FMN1: variants seen among roughly 807,000 people sequenced by gnomAD.
The protein encoded by FMN1 is formin-1.
A neutral mutation model predicts 132.4 loss-of-function variants in FMN1; 110 were observed. That is an observed-to-expected ratio of 0.83 (90% CI 0.71 to 0.97). The LOEUF (loss-of-function observed/expected upper bound fraction) is 0.97, where lower values mean the gene tolerates loss of function less well. FMN1 is among the 50% of genes least tolerant of loss of function. FMN1 has a pLI of 0.00. For synonymous variants in FMN1, 722 were observed against 651.7 expected, an observed-to-expected ratio of 1.11 and a Z score of -1.64; for missense variants, 1,792 against 1,705.3, an observed-to-expected ratio of 1.05 and a Z score of -0.90.
At position 32,774,021 on chromosome 15, in the gene FMN1, A is replaced by C. The variant is rs1158822818; in HGVS notation, c.*289T>G. The C allele has an allele frequency of 4.8e-6, 2 of 414,646 alleles. No homozygotes were observed. Among genetic ancestry groups the C allele is most frequent in the African/African-American group, 4.2e-5 (2 of 47,288 alleles). 25.7% of individuals were successfully genotyped at this position (414,646 alleles called of 1,614,324 possible). On this transcript the variant is annotated 3_prime_UTR_variant, in exon 21 of 21. Coordinates refer to ENST00000616417, the MANE Select transcript of FMN1 (RefSeq NM_001277313.2). ...CAGCTTTTAAAAAAATTTTGGAAAC[A>C]TTTTGGTATTTCTTCTGCTCTTAGA...
intron 4 of FMN1, among the ~76,000 whole-genome samples, chr15:33,124,821 TG>T (rs1420689987): frequency 2.7e-5 from 4 of 150,562 alleles, no homozygotes; most frequent in East Asian, 2.0e-4. Flanking sequence ...CAATACTAGA[TG>T]AAAAAAATGC....
At chr15:33,026,222 A>T (rs1223352613) in intron 6 of FMN1, among the ~76,000 whole-genome samples, 1 of 152,028 alleles carries the variant, frequency 6.6e-6, no homozygotes, top group Non-Finnish European at 1.5e-5. Context: ...CTGGGGAAAG[A>T]GGCAGAGAAA....
chr15:33,021,028 A>T (rs2035390920), intron 6 of FMN1, among the ~76,000 whole-genome samples: 1 of 152,218 alleles, frequency 6.6e-6, no homozygotes, highest in Admixed American at 6.5e-5. Flanking sequence ...ATATAAGCTG[A>T]CGTGATGTAA....
chr15:33,000,712 A>G (rs944668287), intron 7 of FMN1, among the ~76,000 whole-genome samples: 2 of 152,240 alleles, frequency 1.3e-5, no homozygotes, highest in Non-Finnish European at 2.9e-5. Context: ...CAATTAGGGT[A>G]GTATCCCAAA....
At chr15:33,110,367 T>C (rs150935150) in intron 4 of FMN1, among the ~76,000 whole-genome samples, 211 of 152,194 alleles carry the variant, frequency 1.4e-3, no homozygotes, top group African/African-American at 4.8e-3. Context: ...AGGTTATGTA[T>C]CAAGTTCAGG....
chr15:33,107,411 C>T lies in FMN1; in HGVS notation c.1868-18437G>A, dbSNP rs145123984. Reference sequence around the variant, plus strand: ...TCAAAATCCTCCAGTGGCTTCCCATCATAGTTAAAATAAAATGCAAATCCC... The same window carrying T: ...TCAAAATCCTCCAGTGGCTTCCCATTATAGTTAAAATAAAATGCAAATCCC... On this transcript the variant is annotated intron_variant, in intron 4 of 20. Transcript: ENST00000616417. 3.1e-3 allele frequency among the ~76,000 whole-genome samples: 475 copies of T among 152,200 alleles called. 1 individual carries two copies. The highest frequency in any genetic ancestry group is 0.011 in the African/African-American group (459 of 41,570).
At chr15:32,966,205 A>G (rs1174042861) in intron 8 of FMN1, among the ~76,000 whole-genome samples, 5 of 152,166 alleles carry the variant, frequency 3.3e-5, no homozygotes, top group Non-Finnish European at 7.3e-5. Context: ...AGGTCAGGCC[A>G]GTGTAACTAG....
intron 6 of FMN1, among the ~76,000 whole-genome samples, chr15:33,016,246 C>G (rs1448249532): frequency 6.6e-6 from 1 of 152,150 alleles, no homozygotes; most frequent in East Asian, 1.9e-4. Context: ...CAAACAAACT[C>G]ATCCGTGAGT....
intron 5 of FMN1, among the ~76,000 whole-genome samples, chr15:33,083,564 C>T (rs754103322): frequency 2.3e-4 from 35 of 152,216 alleles, no homozygotes; most frequent in Admixed American, 4.6e-4. Context: ...CAGGGACAGA[C>T]GCTCTTGTGC....
intron 5 of FMN1, chr15:33,067,454 G>C (rs755175721): frequency 3.1e-6 from 5 of 1,613,990 alleles, no homozygotes; most frequent in Non-Finnish European, 3.4e-6. Context: ...ATCACTGGTG[G>C]TGTGCACCAG....
At chr15:33,055,050 T>C (rs1042154027) in intron 6 of FMN1, among the ~76,000 whole-genome samples, 1 of 152,164 alleles carries the variant, frequency 6.6e-6, no homozygotes, top group African/African-American at 2.4e-5. Flanking sequence ...GTTCAGGCCA[T>C]GATGGGAAGT....
intron 18 of FMN1, among the ~76,000 whole-genome samples, chr15:32,800,199 T>C (rs2057430724): frequency 6.6e-6 from 1 of 152,230 alleles, no homozygotes; most frequent in African/African-American, 2.4e-5. Flanking sequence ...GCTGCAGCTC[T>C]GAGTCCCATA....
intron 6 of FMN1, among the ~76,000 whole-genome samples, chr15:33,018,346 T>C (rs914259542): frequency 6.6e-6 from 1 of 152,094 alleles, no homozygotes; most frequent in Non-Finnish European, 1.5e-5. Flanking sequence ...GCAGGACACC[T>C]GAAAGACCAA....
chr15:32,909,505 T>C (rs1043586792), intron 11 of FMN1, among the ~76,000 whole-genome samples: 4 of 152,220 alleles, frequency 2.6e-5, no homozygotes, highest in Non-Finnish European at 5.9e-5. Context: ...GAATTGGTGA[T>C]GCCACCAAGC....
At chr15:32,866,641 T>A (rs138789433) in intron 16 of FMN1, among the ~76,000 whole-genome samples, 60 of 152,342 alleles carry the variant, frequency 3.9e-4, no homozygotes, top group Non-Finnish European at 7.2e-4. Context: ...TCCAACTGTC[T>A]TTTAAAATTT....
At chr15:33,188,006 T>C (rs1226923736) in intron 2 of FMN1, among the ~76,000 whole-genome samples, 1 of 152,178 alleles carries the variant, frequency 6.6e-6, no homozygotes, top group East Asian at 1.9e-4. Flanking sequence ...TTGTACATCA[T>C]GCACTGATTG....
chr15:32,872,002 C>G (rs1229765265), intron 16 of FMN1, among the ~76,000 whole-genome samples: 1 of 150,490 alleles, frequency 6.6e-6, no homozygotes, highest in Admixed American at 6.6e-5. Flanking sequence ...TTAATCACAG[C>G]ATAAAACTAG....
intron 18 of FMN1, among the ~76,000 whole-genome samples, chr15:32,801,774 G>A (rs768555467): frequency 7.2e-5 from 11 of 152,216 alleles, no homozygotes; most frequent in East Asian, 1.9e-4. Flanking sequence ...CAGCCTGGGC[G>A]ACAGAATGAG....
intron 7 of FMN1, among the ~76,000 whole-genome samples, chr15:32,971,447 G>A (rs1001271266): frequency 2.0e-5 from 3 of 152,042 alleles, no homozygotes; most frequent in Admixed American, 2.0e-4. Context: ...AAGTAATTTC[G>A]AGCTTCACTC....
Sources: gnomAD v4.1 joint callset for allele counts (sites outside exome capture counted in the v4.1 genomes callset) on GRCh38, gnomAD v4.1.1 for gene constraint, MANE v1.5 for transcripts, NCBI Gene and HGNC (gene_info 2026-07-23, HGNC 2026-07-21) for gene names.